Variants in FBXW11 observed in about 807,000 individuals in gnomAD.
FBXW11 encodes F-box/WD repeat-containing protein 11.
In FBXW11, 19 loss-of-function variants were observed where a neutral mutation model predicts 77.6. The ratio of observed to expected loss-of-function variants is 0.24; its 90% CI spans 0.17 to 0.36. FBXW11 has a LOEUF of 0.36. Ranked by LOEUF, FBXW11 falls within the 10% of genes least tolerant of loss-of-function variation. FBXW11 has a pLI of 1.00. For missense variants in FBXW11, 334 were observed against 704.2 expected (o/e 0.47, Z 5.95); for synonymous variants, 235 against 249.4 (o/e 0.94, Z 0.54).
chr5:171,972,502 T>TA (rs70982360), intron 1 of FBXW11, among the ~76,000 whole-genome samples: 22,200 of 48,220 alleles, frequency 0.46, 7,059 homozygotes, highest in Admixed American at 0.54. Flanking sequence ...CTCTGTCTCA[T>TA]AAAAAAAAAA....
intron 1 of FBXW11, 100 bp downstream of exon 1, chr5:172,006,357 TG>T: frequency 1.8e-6 from 2 of 1,096,890 alleles, no homozygotes; most frequent in Non-Finnish European, 2.5e-6. Context: ...TCGAGGCGTC[TG>T]GGAAGGGCCA....
intron 1 of FBXW11, 65 bp downstream of exon 1, chr5:172,006,393 A>T: frequency 1.4e-6 from 2 of 1,406,786 alleles, no homozygotes; most frequent in South Asian, 1.3e-5. Context: ...CCGGACGTTG[A>T]GGTGGGCAGG....
chr5:171,883,474 A>C (rs1017965648), intron 7 of FBXW11, among the ~76,000 whole-genome samples: 1 of 152,206 alleles, frequency 6.6e-6, no homozygotes, highest in East Asian at 1.9e-4. Context: ...ACATGTATAC[A>C]TATGTAACAA....
At position 171,876,409 on chromosome 5, in the gene FBXW11, C is replaced by CA. The variant is rs1185817647; in HGVS notation, c.1096dup (p.Trp366LeufsTer28). 6.2e-7 allele frequency: 1 copy of CA among 1,613,984 alleles called. No homozygotes were observed. The highest frequency in any genetic ancestry group is 1.7e-5 in the Admixed American group (1 of 59,996). On this transcript the variant is annotated frameshift_variant, in exon 9 of 14. Transcript: ENST00000517395. LOFTEE classifies it high-confidence loss of function. The surrounding 1 kb of genome is among the most constrained non-coding windows in gnomAD (Gnocchi z 4.2). ...GATGTCGGTCGCAGAAGCCATGTCC[C>CA]ACACAGCAATGGAGCGGTCCTTGGA...
chr5:171,870,552 A>G (rs565256300), intron 11 of FBXW11, among the ~76,000 whole-genome samples, 196 bp downstream of exon 11: 1 of 152,268 alleles, frequency 6.6e-6, no homozygotes, highest in South Asian at 2.1e-4. Context: ...CCTCTGTGTG[A>G]TTTGGGGTAA....
intron 2 of FBXW11, among the ~76,000 whole-genome samples, chr5:171,922,611 G>A (rs1302199233): frequency 2.0e-5 from 3 of 151,984 alleles, no homozygotes; most frequent in Non-Finnish European, 4.4e-5. Context: ...TCCCCTCTCC[G>A]GACAAACACT....
intron 1 of FBXW11, among the ~76,000 whole-genome samples, chr5:171,965,002 A>C (rs1398360174): frequency 6.6e-6 from 1 of 152,192 alleles, no homozygotes; most frequent in East Asian, 1.9e-4. Context: ...ATATATGTTA[A>C]GGGAAGAAAA....
intron 1 of FBXW11, among the ~76,000 whole-genome samples, chr5:171,967,894 A>G (rs1406801276): frequency 7.2e-6 from 1 of 139,434 alleles, no homozygotes; most frequent in Non-Finnish European, 1.5e-5. Flanking sequence ...ACACACACAC[A>G]CACACACACA....
At position 171,952,160 on chromosome 5, in the gene FBXW11, G is replaced by A. The variant is rs539383788; in HGVS notation, c.147+5437C>T. Among the ~76,000 whole-genome samples the A allele has an allele frequency of 1.6e-3, 249 of 151,736 alleles. 1 individual carries two copies. Among genetic ancestry groups the A allele is most frequent in the African/African-American group, 5.7e-3 (236 of 41,428 alleles). On this transcript the variant is annotated intron_variant, in intron 2 of 13. Coordinates refer to ENST00000517395, the MANE Select transcript of FBXW11 (RefSeq NM_001378974.1). ...TCCACAGGGCATTAAAAATACCACT[G>A]TTAAAATCAGCAGCAGCAGAATAAC...
intron 8 of FBXW11, among the ~76,000 whole-genome samples, chr5:171,877,296 A>C (rs1219469647): frequency 6.6e-6 from 1 of 152,116 alleles, no homozygotes; most frequent in Admixed American, 6.5e-5. Context: ...TTGGCTGAAG[A>C]ACTGAGAATG....
intron 2 of FBXW11, among the ~76,000 whole-genome samples, chr5:171,939,805 T>TC (rs1404466129): frequency 6.6e-5 from 10 of 151,714 alleles, no homozygotes; most frequent in African/African-American, 2.4e-4. Context: ...AGGCGTGTCA[T>TC]CCCTCAGTGT....
intron 13 of FBXW11, among the ~76,000 whole-genome samples, chr5:171,865,876 C>T (rs1581114706): frequency 6.6e-6 from 1 of 152,168 alleles, no homozygotes. Flanking sequence ...GAGTATTTTA[C>T]TGCAAGGTTA....
Position 171,982,489 on chromosome 5 carries a change from G to A in FBXW11, c.45+23969C>T, listed in dbSNP as rs528102020. ...GGGTTACATCTTGTTGGTCAGGCTG[G>A]TCTCAAACTCCTGACCTCAGGCAAT... On this transcript the variant is annotated intron_variant, in intron 1 of 13. Coordinates refer to ENST00000517395, the MANE Select transcript of FBXW11 (RefSeq NM_001378974.1). 2.6e-5 allele frequency among the ~76,000 whole-genome samples: 4 copies of A among 152,240 alleles called. No individual in the cohort carries two copies. In the East Asian group the frequency reaches 5.8e-4, roughly 22 times the overall value.
At chr5:171,948,320 A>T (rs1282136113) in intron 2 of FBXW11, among the ~76,000 whole-genome samples, 3 of 152,068 alleles carry the variant, frequency 2.0e-5, no homozygotes, top group Admixed American at 6.6e-5. Context: ...ATAGATAAGC[A>T]TATCTATATA....
At position 171,988,191 on chromosome 5, in the gene FBXW11, AC is replaced by A. The variant is rs554958179; in HGVS notation, c.45+18266del. On this transcript the variant is annotated intron_variant, in intron 1 of 13. Transcript: ENST00000517395. ...CTGAAAGGGTCTAGAAGCAATGACA[AC>A]CCATGGCAATGATTTTAGTTTCTAA... is the stretch of plus-strand genomic sequence containing the variant. Among the ~76,000 whole-genome samples the A allele has an allele frequency of 3.9e-5, 6 of 152,278 alleles. No individual in the cohort carries two copies. The East Asian group carries it at 9.6e-4, about 24-fold the overall frequency.
chr5:171,996,284 A>G (rs1343048427), intron 1 of FBXW11, among the ~76,000 whole-genome samples: 2 of 152,236 alleles, frequency 1.3e-5, no homozygotes, highest in Admixed American at 6.5e-5. Flanking sequence ...TTTGTTTTCC[A>G]TATTTTACAA....
At chr5:171,896,166 A>C (rs1759731532) in intron 6 of FBXW11, among the ~76,000 whole-genome samples, 1 of 152,204 alleles carries the variant, frequency 6.6e-6, no homozygotes, top group South Asian at 2.1e-4. Context: ...ATCAGAGCCA[A>C]ATCTGGGAAC....
chr5:171,946,915 A>G (rs891573328), intron 2 of FBXW11, among the ~76,000 whole-genome samples: 1 of 150,074 alleles, frequency 6.7e-6, no homozygotes, highest in Non-Finnish European at 1.5e-5. Context: ...CCCGGGTTCA[A>G]GCAATTTTCC....
intron 1 of FBXW11, among the ~76,000 whole-genome samples, chr5:171,991,451 T>C (rs1384076522): frequency 6.6e-6 from 1 of 152,300 alleles, no homozygotes; most frequent in South Asian, 2.1e-4. Context: ...GACTAGCAGA[T>C]AAAATAGCTG....
Sources: gnomAD v4.1 joint callset for allele counts (sites outside exome capture counted in the v4.1 genomes callset) on GRCh38, gnomAD v4.1.1 for gene constraint, Gnocchi (gnomAD v3.1) non-coding constraint, MANE v1.5 for transcripts, NCBI Gene and HGNC (gene_info 2026-07-23, HGNC 2026-07-21) for gene names.